The following DCAF11 variants were observed in gnomAD, a reference collection of about 807,000 sequenced individuals.
The protein encoded by DCAF11 is DDB1 and CUL4 associated factor 11.
DCAF11 carries 44 observed loss-of-function variants against 76.1 expected under a neutral mutation model. The observed-to-expected ratio is 0.58, with a 90% CI of 0.45 to 0.74. DCAF11 has a LOEUF of 0.74. DCAF11 is among the 30% of genes least tolerant of loss of function. The pLI is 0.00. For missense variants in DCAF11, 604 were observed against 709.4 expected, an observed-to-expected ratio of 0.85 and a Z score of 1.69; for synonymous variants, 258 against 255.0, an observed-to-expected ratio of 1.01 and a Z score of -0.11.
Position 24,117,332 on chromosome 14 carries a change from C to G in DCAF11, c.350C>G (p.Thr117Arg), listed in dbSNP as rs1566591260. The change falls in exon 4 of 15, where the codon ACA becomes AGA. Residue 117 changes from threonine to arginine, a missense_variant. Transcript: ENST00000446197. This position sits in a 1 kb window ranked among gnomAD's most constrained non-coding sequence, Gnocchi z 4.3. ...ATCAAGACACAAGTGGAACTGGCCACAGGGCAGCTGGGGCTTAGGCGGGCC... is the reference window on the plus strand; with the variant it reads ...ATCAAGACACAAGTGGAACTGGCCAGAGGGCAGCTGGGGCTTAGGCGGGCC... ...NEIKTQVELA[T>R]GQLGLRRAAQ... 2 of 1,614,244 alleles carry G rather than the reference C, an allele frequency of 1.2e-6. No individual in the cohort carries two copies. The highest frequency in any genetic ancestry group is 1.7e-6 in the Non-Finnish European group (2 of 1,180,042).
rs1313948517 is a variant in DCAF11, at chr14:24,115,634, G to A, written c.40G>A (p.Gly14Arg). The A allele has an allele frequency of 6.2e-7, 1 of 1,613,878 alleles. No homozygotes were observed. The highest frequency in any genetic ancestry group is 8.5e-7 in the Non-Finnish European group (1 of 1,179,896). Residue 14 changes from glycine to arginine, a missense_variant, in exon 2 of 15, where the codon GGA becomes AGA. Gly to Arg is a moderately radical substitution (Grantham distance 125). Transcript: ENST00000446197. ...CAGCAGCAGTGCAGGATCCGGGTCC[G>A]GAGACCCCTCCGAGGGCTTGCCCCG... is the stretch of plus-strand genomic sequence containing the variant. ...RNSSSAGSGS[G>R]DPSEGLPRRG...
chr14:24,119,656 G>A, intron 10 of DCAF11, 40 bp downstream of exon 10: 1 of 1,614,120 alleles, frequency 6.2e-7, no homozygotes, highest in Non-Finnish European at 8.5e-7. Context: ...CCTGGTTTTT[G>A]GCTTTTTATA....
At chr14:24,120,727 A>C (rs2037675267) in intron 11 of DCAF11, 111 bp from the exon 12 acceptor site, 1 of 1,352,218 alleles carries the variant, frequency 7.4e-7, no homozygotes, top group African/African-American at 1.5e-5. Context: ...AAGAGAGGCA[A>C]GTAAAGCCAG....
At chr14:24,121,592 G>T (rs1054248586) in intron 13 of DCAF11, 75 bp downstream of exon 13, 17 of 1,526,700 alleles carry the variant, frequency 1.1e-5, no homozygotes, top group Non-Finnish European at 1.4e-5. Context: ...ATAACGACTA[G>T]TGACCACCTT....
intron 2 of DCAF11, 69 bp from the exon 3 acceptor site, chr14:24,116,848 C>A: frequency 6.2e-7 from 1 of 1,606,766 alleles, no homozygotes; most frequent in South Asian, 1.1e-5. Context: ...AGCTAGATAG[C>A]CATTGACTCT....
chr14:24,115,546 G>A lies in DCAF11; in HGVS notation c.-49G>A. The A allele has an allele frequency of 6.4e-7, 1 of 1,562,554 alleles. No homozygotes were observed. The highest frequency in any genetic ancestry group is 8.7e-7 in the Non-Finnish European group (1 of 1,155,526). On this transcript the variant is annotated 5_prime_UTR_variant, in exon 2 of 15. The change creates a new upstream start codon in the 5' untranslated region. Coordinates refer to ENST00000446197, the MANE Select transcript of DCAF11 (RefSeq NM_025230.5). The stretch of plus-strand genomic sequence containing the variant: ...CTTTGCTTTCACCAAACCCAAGGAG[G>A]TGACAGGAGGAGCCCCCGCACAGGA...
rs898705053 is a variant in DCAF11, at chr14:24,117,616, T to C, written c.412-52T>C. On this transcript the variant is annotated intron_variant, in intron 4 of 14. Transcript: ENST00000446197. This position sits in a 1 kb window ranked among gnomAD's most constrained non-coding sequence, Gnocchi z 4.3. ...TTTGGAGGAGGGGGCTTGATATGGCTGAAGTGGCCCTCTATTTCTGCTAGC... is the reference window on the plus strand; with the variant it reads ...TTTGGAGGAGGGGGCTTGATATGGCCGAAGTGGCCCTCTATTTCTGCTAGC... 8.8e-6 allele frequency: 14 copies of C among 1,595,202 alleles called. No individual in the cohort carries two copies. The highest frequency in any genetic ancestry group is 2.2e-5 in the East Asian group (1 of 44,566).
In DCAF11 at chr14:24,117,420, C is replaced by G. The variant is rs752100773; in HGVS notation, c.411+27C>G. ...TAGGCCTCTCCACCTCCCAGCCTGG[C>G]AGCAGGCCTGCCAAAGCAGCCAGAA... On this transcript the variant is annotated intron_variant, in intron 4 of 14. Transcript: ENST00000446197. This position sits in a 1 kb window ranked among gnomAD's most constrained non-coding sequence, Gnocchi z 4.3. 3.7e-6 allele frequency: 6 copies of G among 1,612,522 alleles called. No homozygotes were observed. The South Asian group carries it at 6.6e-5, about 18-fold the overall frequency.
chr14:24,122,495 AAAAAAAAAAAAGAAAAAG>A, intron 13 of DCAF11, among the ~76,000 whole-genome samples: 1 of 151,456 alleles, frequency 6.6e-6, no homozygotes, highest in East Asian at 1.9e-4. Flanking sequence ...CATCTCAAAA[AAAAAAAAAAAAGAAAAAG>A]AAAAAAAAAA....
At position 24,118,798 on chromosome 14, in the gene DCAF11, A is replaced by G; in HGVS notation, c.773A>G (p.Asp258Gly). 1 of 1,614,066 alleles carries G rather than the reference A, an allele frequency of 6.2e-7. No individual in the cohort carries two copies. Among genetic ancestry groups the G allele is most frequent in the Non-Finnish European group, 8.5e-7 (1 of 1,180,002 alleles). Residue 258 changes from aspartate to glycine, a missense_variant, in exon 8 of 15, where the codon GAT becomes GGT. Coordinates refer to ENST00000446197, the MANE Select transcript of DCAF11 (RefSeq NM_025230.5). The part of the protein sequence containing the change: ...YGEGDTHTAL[D>G]LRPDERRFAV... ...GAGGGAGATACACACACTGCCCTGG[A>G]TCTCAGGTACTGGCTTCCCTTTCTG... is the stretch of plus-strand genomic sequence containing the variant.
At position 24,117,120 on chromosome 14, in the gene DCAF11, A is replaced by G. The variant is rs189242071; in HGVS notation, c.283+76A>G. 7 of 1,611,128 alleles carry G rather than the reference A, an allele frequency of 4.3e-6. No individual in the cohort carries two copies. The highest frequency in any genetic ancestry group is 4.5e-5 in the East Asian group (2 of 44,866). On this transcript the variant is annotated intron_variant, in intron 3 of 14. Coordinates refer to ENST00000446197, the MANE Select transcript of DCAF11 (RefSeq NM_025230.5). The surrounding 1 kb of genome is among the most constrained non-coding windows in gnomAD (Gnocchi z 4.3). Reference sequence around the variant, plus strand: ...AGTGATATTTTGAATGATAGGTTACATTGAAAGAAGGTACGATAATTTAAG... The same window carrying G: ...AGTGATATTTTGAATGATAGGTTACGTTGAAAGAAGGTACGATAATTTAAG...
At chr14:24,116,270 T>G (rs993375431) in intron 2 of DCAF11, among the ~76,000 whole-genome samples, 19 of 152,254 alleles carry the variant, frequency 1.2e-4, no homozygotes, top group Admixed American at 1.3e-4. Flanking sequence ...CAGCTGGCTT[T>G]CTTTCTTTGC....
chr14:24,119,637 C>T, intron 10 of DCAF11, 21 bp downstream of exon 10: 1 of 1,614,172 alleles, frequency 6.2e-7, no homozygotes, highest in Non-Finnish European at 8.5e-7. Flanking sequence ...TGAGATAGAG[C>T]CTCTGCCTCC....
chr14:24,116,886 C>G (rs764252072), intron 2 of DCAF11, 31 bp from the exon 3 acceptor site: 1 of 1,613,606 alleles, frequency 6.2e-7, no homozygotes, highest in South Asian at 1.1e-5. Flanking sequence ...GGGAAGAAGT[C>G]CCCTCCTTTA....
rs1303909965 is a variant in DCAF11, at chr14:24,115,746, G to A, written c.152G>A (p.Arg51His). ...DLAQVLAYLL[R>H]RGQVRLVQGG... ...GCCCAGGTACTGGCCTATCTCCTCC[G>A]CAGGTAACTTACCCTCTGGTGTGAC... Residue 51 changes from arginine to histidine, a missense_variant, in exon 2 of 15, where the codon CGC becomes CAC. Transcript: ENST00000446197. 1.2e-6 allele frequency: 2 copies of A among 1,612,000 alleles called. No individual in the cohort carries two copies. The highest frequency in any genetic ancestry group is 8.5e-7 in the Non-Finnish European group (1 of 1,178,910).
chr14:24,120,043 A>G, intron 11 of DCAF11, 147 bp downstream of exon 11: 1 of 1,059,358 alleles, frequency 9.4e-7, no homozygotes, highest in Non-Finnish European at 1.3e-6. Flanking sequence ...GGCTCAAGCC[A>G]GGGAACATGA....
At position 24,117,816 on chromosome 14, in the gene DCAF11, C is replaced by A; in HGVS notation, c.476+84C>A. The A allele has an allele frequency of 2.2e-6, 3 of 1,387,990 alleles. No homozygotes were observed. The highest frequency in any genetic ancestry group is 3.0e-6 in the Non-Finnish European group (3 of 1,000,138). The allele number at this position is 1,387,990 out of a possible 1,614,324, so 86.0% of individuals were successfully genotyped here. ...TTTGAAGGGGTAGGTGTTAAAGGAG[C>A]CTCAGAGATATTAAAGGTTAGGTTA... On this transcript the variant is annotated intron_variant, in intron 5 of 14. Transcript: ENST00000446197. This position sits in a 1 kb window ranked among gnomAD's most constrained non-coding sequence, Gnocchi z 4.3.
chr14:24,116,184 G>T (rs941472596), intron 2 of DCAF11, among the ~76,000 whole-genome samples: 14 of 152,140 alleles, frequency 9.2e-5, no homozygotes, highest in African/African-American at 3.1e-4. Context: ...AGTTTAATTT[G>T]CCCTGACTCT....
In DCAF11 at chr14:24,117,353, G is replaced by T. The variant is rs368388963; in HGVS notation, c.371G>T (p.Arg124Leu). 1 of 1,614,234 alleles carries T rather than the reference G, an allele frequency of 6.2e-7. No homozygotes were observed. Among genetic ancestry groups the T allele is most frequent in the Non-Finnish European group, 8.5e-7 (1 of 1,180,042 alleles). Residue 124 changes from arginine (R) to leucine (L), a missense_variant, in exon 4 of 15, where the codon CGG becomes CTG. Physicochemically the swap from Arg to Leu is moderately radical, Grantham distance 102. Transcript: ENST00000446197. This position sits in a 1 kb window ranked among gnomAD's most constrained non-coding sequence, Gnocchi z 4.3. ...ELATGQLGLR[R>L]AAQKHSFPRM... ...GCCACAGGGCAGCTGGGGCTTAGGC[G>T]GGCCGCCCAGAAGCACAGCTTTCCT...
Sources: gnomAD v4.1 joint callset for allele counts (sites outside exome capture counted in the v4.1 genomes callset) on GRCh38, gnomAD v4.1.1 for gene constraint, Gnocchi (gnomAD v3.1) non-coding constraint, MANE v1.5 for transcripts, NCBI Gene and HGNC (gene_info 2026-07-23, HGNC 2026-07-21) for gene names.